The following CACNA1B variants were observed in gnomAD, a reference collection of about 807,000 sequenced individuals.
The protein encoded by CACNA1B is voltage-dependent N-type calcium channel subunit alpha-1B.
A neutral mutation model predicts 247.2 loss-of-function variants in CACNA1B; 70 were observed. That is an observed-to-expected ratio of 0.28 (90% CI 0.23 to 0.35). CACNA1B has a LOEUF of 0.35. Ranked by LOEUF, CACNA1B falls within the 10% of genes least tolerant of loss-of-function variation. CACNA1B has a pLI of 1.00. For missense variants in CACNA1B, 2,367 were observed against 3,197.4 expected, an observed-to-expected ratio of 0.74 and a Z score of 6.26; for synonymous variants, 1,231 against 1,294.4, an observed-to-expected ratio of 0.95 and a Z score of 1.05.
rs984327092 is a variant in CACNA1B, at chr9:138,058,358, G to A, written c.4308+108G>A. On this transcript the variant is annotated intron_variant, in intron 28 of 46. Transcript: ENST00000371372. The surrounding 1 kb of genome is among the most constrained non-coding windows in gnomAD (Gnocchi z 4.7). ...AGCTGGGTCAGCTTTGGCTGCCACC[G>A]TCTGCCAACACAGGGGCAGGTCCTC... The A allele has an allele frequency of 2.3e-5, 25 of 1,079,016 alleles. No homozygotes were observed. The highest frequency in any genetic ancestry group is 2.1e-4 in the Middle Eastern group (1 of 4,756). 66.8% of individuals were successfully genotyped at this position (1,079,016 alleles called of 1,614,324 possible).
intron 26 of CACNA1B, among the ~76,000 whole-genome samples, chr9:138,056,759 T>C (rs1223481062): frequency 6.6e-6 from 1 of 152,184 alleles, no homozygotes; most frequent in Non-Finnish European, 1.5e-5. Flanking sequence ...TTAGTTTTGG[T>C]ATTTTTTAAA....
chr9:138,078,475 G>A (rs536454857), intron 36 of CACNA1B, among the ~76,000 whole-genome samples: 72 of 152,336 alleles, frequency 4.7e-4, no homozygotes, highest in South Asian at 3.1e-3. Flanking sequence ...CTTGACATCC[G>A]TGGAAAAGGG....
rs370632824 is a variant in CACNA1B, at chr9:138,067,888, C to T, written c.4669-1870C>T. Among the ~76,000 whole-genome samples the T allele has an allele frequency of 5.3e-5, 8 of 152,206 alleles. No individual in the cohort carries two copies. The East Asian group carries it at 1.2e-3, about 22-fold the overall frequency. ...GGCATTTTCACACAAGTGTTCCTGG[C>T]ACCAGCGTTCTGCCGACCAAACAGA... On this transcript the variant is annotated intron_variant, in intron 31 of 46. Transcript: ENST00000371372.
Position 138,051,928 on chromosome 9 carries a change from G to A in CACNA1B, c.3711-164G>A, listed in dbSNP as rs976711458. ...GCAGCCCCTGGGAAGAGTCATGGTG[G>A]CCTGTGGCACCTGCAGGGCAAGGCC... On this transcript the variant is annotated intron_variant, in intron 24 of 46. Coordinates refer to ENST00000371372, the MANE Select transcript of CACNA1B (RefSeq NM_000718.4). The surrounding 1 kb of genome is among the most constrained non-coding windows in gnomAD (Gnocchi z 4.3). 1.3e-5 allele frequency among the ~76,000 whole-genome samples: 2 copies of A among 152,266 alleles called. No individual in the cohort carries two copies. Among genetic ancestry groups the A allele is most frequent in the Admixed American group, 6.5e-5 (1 of 15,310 alleles).
chr9:138,056,450 C>T (rs865794186), intron 26 of CACNA1B, among the ~76,000 whole-genome samples: 2 of 152,208 alleles, frequency 1.3e-5, no homozygotes, highest in African/African-American at 2.4e-5. Context: ...TGTGCTGTGC[C>T]ACATTTTCCT....
intron 21 of CACNA1B, among the ~76,000 whole-genome samples, chr9:138,045,594 G>A (rs1249160085): frequency 6.6e-6 from 1 of 152,188 alleles, no homozygotes; most frequent in African/African-American, 2.4e-5. Flanking sequence ...AGTGCTGCTG[G>A]GGTCCCGCCT....
At chr9:137,903,039 C>A (rs1957256945) in intron 3 of CACNA1B, among the ~76,000 whole-genome samples, 1 of 152,202 alleles carries the variant, frequency 6.6e-6, no homozygotes, top group East Asian at 1.9e-4. Context: ...TGATTATTTC[C>A]TTGGGACAAA....
At chr9:137,907,854 C>A (rs910678102) in intron 3 of CACNA1B, among the ~76,000 whole-genome samples, 1 of 152,144 alleles carries the variant, frequency 6.6e-6, no homozygotes, top group Admixed American at 6.5e-5. Flanking sequence ...CTTTGATACA[C>A]CTGGAATTTA....
intron 3 of CACNA1B, among the ~76,000 whole-genome samples, chr9:137,896,969 T>A (rs1957180507): frequency 6.6e-6 from 1 of 152,174 alleles, no homozygotes; most frequent in South Asian, 2.1e-4. Flanking sequence ...TAATAGCTCG[T>A]TTCATTTCTT....
chr9:137,966,860 G>A (rs1319740936), intron 10 of CACNA1B, among the ~76,000 whole-genome samples: 2 of 151,942 alleles, frequency 1.3e-5, no homozygotes, highest in Non-Finnish European at 2.9e-5. Flanking sequence ...TTTTATTTAT[G>A]TATTTAAGAG....
At chr9:137,972,790 G>T (rs1958169454) in intron 11 of CACNA1B, among the ~76,000 whole-genome samples, 2 of 152,210 alleles carry the variant, frequency 1.3e-5, no homozygotes, top group African/African-American at 4.8e-5. Flanking sequence ...GGGAGATGGT[G>T]CGGAGGGGCA....
chr9:138,068,707 T>C (rs1262383463), intron 31 of CACNA1B: 4 of 499,404 alleles, frequency 8.0e-6, no homozygotes, highest in East Asian at 5.6e-5. Context: ...TGCGTGTGTG[T>C]GCCTCCTTTC....
chr9:137,978,655 T>C (rs1056246944), intron 12 of CACNA1B, among the ~76,000 whole-genome samples: 6 of 152,202 alleles, frequency 3.9e-5, no homozygotes, highest in African/African-American at 1.4e-4. Context: ...TTCAGCTTAA[T>C]TGGACTTTTT....
chr9:138,040,640 C>T (rs1402810551), intron 20 of CACNA1B: 40 of 404,510 alleles, frequency 9.9e-5, no homozygotes, highest in Non-Finnish European at 1.5e-4. Context: ...GGGCAGGAAG[C>T]GTCCAGCACG....
chr9:137,959,530 A>C (rs1957986276), intron 10 of CACNA1B, among the ~76,000 whole-genome samples: 1 of 152,154 alleles, frequency 6.6e-6, no homozygotes, highest in South Asian at 2.1e-4. Flanking sequence ...ATAACACTGG[A>C]ATTATCTTTT....
chr9:137,912,922 G>T (rs79788151), intron 3 of CACNA1B, among the ~76,000 whole-genome samples: 1 of 152,154 alleles, frequency 6.6e-6, no homozygotes. Context: ...GTTTGGTCAT[G>T]TGGGTGATTG....
intron 15 of CACNA1B, among the ~76,000 whole-genome samples, chr9:137,995,057 A>G (rs1731760093): frequency 6.6e-6 from 1 of 152,036 alleles, no homozygotes; most frequent in Non-Finnish European, 1.5e-5. Context: ...AAAGTACACA[A>G]ATTAGCCAGG....
rs73570217 is a variant in CACNA1B, at chr9:137,948,303, C to A, written c.967-3971C>A. On this transcript the variant is annotated intron_variant, in intron 6 of 46. Transcript: ENST00000371372. Reference sequence around the variant, plus strand: ...GCCGTATTTCTTTAAATACTGTCAGCTTTGTCCTTTTTCACCTGTCTTTAG... The same window carrying A: ...GCCGTATTTCTTTAAATACTGTCAGATTTGTCCTTTTTCACCTGTCTTTAG... Among the ~76,000 whole-genome samples the A allele has an allele frequency of 7.6e-3, 1,164 of 152,216 alleles. 23 individuals are homozygous for A. The highest frequency in any genetic ancestry group is 0.027 in the African/African-American group (1,116 of 41,526).
intron 36 of CACNA1B, among the ~76,000 whole-genome samples, chr9:138,078,920 G>A (rs1960421641): frequency 6.6e-6 from 1 of 152,226 alleles, no homozygotes; most frequent in Non-Finnish European, 1.5e-5. Context: ...CACAGGGTGA[G>A]CAGTTCTTCT....
Sources: allele counts gnomAD v4.1 joint callset (sites outside exome capture counted in the v4.1 genomes callset), GRCh38; gene constraint gnomAD v4.1.1; non-coding constraint Gnocchi (gnomAD v3.1); transcripts MANE v1.5; gene names NCBI Gene and HGNC (gene_info 2026-07-23, HGNC 2026-07-21).